The following FBLN7 variants were observed in gnomAD, a reference collection of about 807,000 sequenced individuals.
The protein encoded by FBLN7 is fibulin 7.
A neutral mutation model predicts 44.0 loss-of-function variants in FBLN7; 31 were observed. The ratio of observed to expected loss-of-function variants is 0.70; its 90% CI spans 0.53 to 0.95. FBLN7 has a LOEUF of 0.95. Among genes scored for constraint, FBLN7 ranks in the 40% least tolerant of loss-of-function variants. FBLN7 has a pLI of 0.00. For synonymous variants in FBLN7, 262 were observed against 253.4 expected, an observed-to-expected ratio of 1.03 and a Z score of -0.32; for missense variants, 573 against 618.5, an observed-to-expected ratio of 0.93 and a Z score of 0.78.
At chr2:112,201,171 G>A in the FBLN7 span, among the ~76,000 whole-genome samples, 17 of 152,346 alleles carry the variant, frequency 1.1e-4, no homozygotes, top group Non-Finnish European at 1.8e-4. Flanking sequence ...ATGTGAGTGA[G>A]GCCTCTGAGG....
At chr2:112,193,195 C>G (rs903133283), downstream of FBLN7, among the ~76,000 whole-genome samples, 2 of 152,164 alleles carry the variant, frequency 1.3e-5, no homozygotes, top group Non-Finnish European at 2.9e-5. Flanking sequence ...AATCCCAGCT[C>G]TTTGGGTGGC....
At chr2:112,188,732 AAG>A (rs1317258420), downstream of FBLN7, 5 of 152,212 alleles carry the variant, frequency 3.3e-5, no homozygotes, top group Non-Finnish European at 7.3e-5. Context: ...TTCAATGATC[AAG>A]CCCTACATCA....
At chr2:112,151,722 T>C (rs1340463143) in intron 1 of FBLN7, 1 of 152,182 alleles carries the variant, frequency 6.6e-6, no homozygotes, top group Non-Finnish European at 1.5e-5. Flanking sequence ...GCTCTCAGGT[T>C]GTGAGATGTG....
At chr2:112,244,089 A>T in the FBLN7 span, among the ~76,000 whole-genome samples, 1 of 152,050 alleles carries the variant, frequency 6.6e-6, no homozygotes, top group Non-Finnish European at 1.5e-5. Context: ...CCACAATAGC[A>T]CTAAGCAGAA....
At chr2:112,219,729 A>G in the FBLN7 span, among the ~76,000 whole-genome samples, 1 of 151,998 alleles carries the variant, frequency 6.6e-6, no homozygotes, top group Non-Finnish European at 1.5e-5. Flanking sequence ...TGTGCAGATG[A>G]GCAGAATGTA....
chr2:112,140,601 GGAA>G (rs1425681964), intron 1 of FBLN7, among the ~76,000 whole-genome samples: 13 of 152,220 alleles, frequency 8.5e-5, no homozygotes, highest in East Asian at 7.7e-4. Context: ...ACCGCCGGGA[GGAA>G]GAAGATTTCT....
chr2:112,173,040 G>A (rs1050797255), intron 3 of FBLN7, among the ~76,000 whole-genome samples: 1 of 152,176 alleles, frequency 6.6e-6, no homozygotes, highest in Non-Finnish European at 1.5e-5. Context: ...AGACTTTAAC[G>A]GGAGGAGAGT....
intron 1 of FBLN7, among the ~76,000 whole-genome samples, chr2:112,145,891 C>T (rs4328637): frequency 1 from 151,762 of 152,388 alleles, 75,568 homozygotes; most frequent in East Asian, 1. Context: ...TCTTGATTAC[C>T]GTAGCTTTAC....
the FBLN7 span, among the ~76,000 whole-genome samples, chr2:112,221,761 G>C: frequency 6.6e-6 from 1 of 151,982 alleles, no homozygotes; most frequent in Non-Finnish European, 1.5e-5. Context: ...AACACCTCCT[G>C]TATTGTTTTA....
chr2:112,183,004 G>C, intron 6 of FBLN7, 76 bp downstream of exon 6: 1 of 1,552,604 alleles, frequency 6.4e-7, no homozygotes, highest in Middle Eastern at 2.0e-4. Flanking sequence ...TCACAGTCGG[G>C]AGTGAGGTGG....
In FBLN7 at chr2:112,187,563, C is replaced by T; in HGVS notation, c.*57C>T. On this transcript the variant is annotated 3_prime_UTR_variant, in exon 8 of 8. Coordinates refer to ENST00000331203, the MANE Select transcript of FBLN7 (RefSeq NM_153214.3). The surrounding 1 kb of genome is among the most constrained non-coding windows in gnomAD (Gnocchi z 5.1). ...TGACCTCATTTCTCTTCCCCGAAGG[C>T]TCAGCTTCGGGCACCGACTGCGTGG... is the stretch of plus-strand genomic sequence containing the variant. 1 of 1,578,066 alleles carries T rather than the reference C, an allele frequency of 6.3e-7. No individual in the cohort carries two copies. The highest frequency in any genetic ancestry group is 8.6e-7 in the Non-Finnish European group (1 of 1,158,778).
the FBLN7 span, among the ~76,000 whole-genome samples, chr2:112,222,155 T>G: frequency 6.6e-6 from 1 of 152,216 alleles, no homozygotes; most frequent in Non-Finnish European, 1.5e-5. Flanking sequence ...GATTACTGTC[T>G]CTGTGCCCAT....
chr2:112,176,418 C>T (rs6732478), intron 4 of FBLN7: 2,828 of 152,370 alleles, frequency 0.019, 81 homozygotes, highest in African/African-American at 0.064. Context: ...CAGGGGTTCC[C>T]GCACCATGAT....
At chr2:112,182,226 C>G (rs975139884) in intron 5 of FBLN7, among the ~76,000 whole-genome samples, 2 of 152,070 alleles carry the variant, frequency 1.3e-5, no homozygotes, top group Non-Finnish European at 2.9e-5. Flanking sequence ...AGAGCGGGCC[C>G]GGAGCTGGGT....
intron 1 of FBLN7, among the ~76,000 whole-genome samples, chr2:112,147,888 G>T (rs1035854646): frequency 6.6e-6 from 1 of 152,084 alleles, no homozygotes; most frequent in African/African-American, 2.4e-5. Context: ...CGGGTCGTAG[G>T]TGGGGGGTCT....
intron 2 of FBLN7, among the ~76,000 whole-genome samples, chr2:112,160,703 C>G (rs1211087596): frequency 9.2e-6 from 1 of 108,684 alleles, no homozygotes; most frequent in Admixed American, 8.4e-5. Flanking sequence ...CACACACGCA[C>G]GCACACACAC....
chr2:112,174,596 G>A (rs1682641965), intron 3 of FBLN7, among the ~76,000 whole-genome samples: 2 of 152,222 alleles, frequency 1.3e-5, no homozygotes, highest in South Asian at 4.1e-4. Flanking sequence ...TCAAGTCAGT[G>A]AACTGACAAG....
the FBLN7 span, among the ~76,000 whole-genome samples, chr2:112,210,351 G>A: frequency 6.6e-6 from 1 of 152,074 alleles, no homozygotes; most frequent in South Asian, 2.1e-4. Context: ...GAAGAAGGTT[G>A]TTAAAAATAA....
the FBLN7 span, among the ~76,000 whole-genome samples, chr2:112,218,987 C>T: frequency 0.11 from 16,372 of 152,154 alleles, 1,181 homozygotes; most frequent in Non-Finnish European, 0.15. Context: ...CTCATGTTAA[C>T]GGACTGGAAG....
Sources: allele counts gnomAD v4.1 joint callset (sites outside exome capture counted in the v4.1 genomes callset), GRCh38; gene constraint gnomAD v4.1.1; non-coding constraint Gnocchi (gnomAD v3.1); transcripts MANE v1.5; gene names NCBI Gene and HGNC (gene_info 2026-07-23, HGNC 2026-07-21).